Variants in IGF1R observed in about 807,000 individuals in gnomAD.
The protein encoded by IGF1R is insulin like growth factor 1 receptor.
Under a neutral mutation model 144.6 loss-of-function variants are expected in IGF1R, and 44 were observed. That is an observed-to-expected ratio of 0.30 (90% CI 0.24 to 0.39). IGF1R has a LOEUF of 0.39. Among genes scored for constraint, IGF1R ranks in the 10% least tolerant of loss-of-function variants. IGF1R has a pLI of 1.00. For missense variants in IGF1R, 1,355 were observed against 1,833.7 expected, an observed-to-expected ratio of 0.74 and a Z score of 4.77; for synonymous variants, 795 against 722.8, an observed-to-expected ratio of 1.10 and a Z score of -1.60.
intron 2 of IGF1R, among the ~76,000 whole-genome samples, chr15:98,796,550 C>A (rs898191174): frequency 6.6e-6 from 1 of 152,156 alleles, no homozygotes; most frequent in Non-Finnish European, 1.5e-5. Context: ...ATACTTTTGT[C>A]GATCAAACAG....
chr15:98,891,737 C>A lies in IGF1R; in HGVS notation c.953+100C>A. On this transcript the variant is annotated intron_variant, in intron 3 of 20. Transcript: ENST00000650285. The surrounding 1 kb of genome is among the most constrained non-coding windows in gnomAD (Gnocchi z 4.7). ...GTCGGTTGTTTCATCCGGGTGCAGC[C>A]CTCAGGAAGTTCACTGAGGTGGGTC... is the stretch of plus-strand genomic sequence containing the variant. The A allele has an allele frequency of 8.2e-7, 1 of 1,214,372 alleles. No individual in the cohort carries two copies. Among genetic ancestry groups the A allele is most frequent in the Non-Finnish European group, 1.2e-6 (1 of 853,594 alleles). The allele number at this position is 1,214,372 out of a possible 1,614,324, so 75.2% of individuals were successfully genotyped here.
chr15:98,850,510 C>T (rs1567160662), intron 2 of IGF1R, among the ~76,000 whole-genome samples: 1 of 152,184 alleles, frequency 6.6e-6, no homozygotes, highest in Non-Finnish European at 1.5e-5. Context: ...GTAGCCATGT[C>T]CTCGGAAGAT....
At chr15:98,954,468 G>A (rs922024384) in intron 20 of IGF1R, 2 of 152,150 alleles carry the variant, frequency 1.3e-5, no homozygotes, top group Non-Finnish European at 1.5e-5. Flanking sequence ...AGAGTCTAAT[G>A]GAGATTTTTT....
At chr15:98,686,670 A>ATTTTTTTTTTT (rs201014820) in intron 1 of IGF1R, among the ~76,000 whole-genome samples, 1 of 145,698 alleles carries the variant, frequency 6.9e-6, no homozygotes, top group Admixed American at 6.9e-5. Flanking sequence ...GAAGTATTTA[A>ATTTTTTTTTTT]TTTTTTTTTT....
chr15:98,705,424 G>T (rs1362978308), intron 1 of IGF1R, among the ~76,000 whole-genome samples: 1 of 152,180 alleles, frequency 6.6e-6, no homozygotes, highest in Non-Finnish European at 1.5e-5. Flanking sequence ...TGTAGGGGCT[G>T]AAATCTAATG....
chr15:98,713,129 C>T (rs780942430), intron 2 of IGF1R, among the ~76,000 whole-genome samples: 17 of 151,878 alleles, frequency 1.1e-4, no homozygotes, highest in African/African-American at 3.9e-4. Context: ...CTCACCTGGC[C>T]GAACTCTAGC....
chr15:98,830,862 C>T (rs1285266509), intron 2 of IGF1R, among the ~76,000 whole-genome samples: 1 of 152,178 alleles, frequency 6.6e-6, no homozygotes, highest in Non-Finnish European at 1.5e-5. Context: ...CCCTGGCTTC[C>T]CAAAGTGCTG....
intron 5 of IGF1R, among the ~76,000 whole-genome samples, chr15:98,900,047 T>C (rs146622562): frequency 3.9e-4 from 60 of 152,320 alleles, no homozygotes; most frequent in Non-Finnish European, 7.8e-4. Context: ...TTTTAAGATA[T>C]TGGAAGTGAG....
intron 20 of IGF1R, among the ~76,000 whole-genome samples, chr15:98,952,462 T>C (rs555952301): frequency 1.4e-4 from 22 of 152,314 alleles, no homozygotes; most frequent in Admixed American, 7.2e-4. Context: ...TGATGACCAC[T>C]GAATCTGCAT....
chr15:98,800,827 A>C (rs1038630762), intron 2 of IGF1R, among the ~76,000 whole-genome samples: 1 of 152,210 alleles, frequency 6.6e-6, no homozygotes, highest in African/African-American at 2.4e-5. Context: ...AATGAGGCCC[A>C]GAAGGGGGAG....
At chr15:98,834,366 G>A (rs1417260242) in intron 2 of IGF1R, among the ~76,000 whole-genome samples, 1 of 152,202 alleles carries the variant, frequency 6.6e-6, no homozygotes, top group Non-Finnish European at 1.5e-5. Context: ...ATGCTCTTGA[G>A]AAAATGGAGG....
chr15:98,827,134 C>T (rs1390169217), intron 2 of IGF1R, among the ~76,000 whole-genome samples: 3 of 64,082 alleles, frequency 4.7e-5, no homozygotes, highest in Non-Finnish European at 1.6e-4. Flanking sequence ...CCTTCCCCTG[C>T]CCCCCAACTC....
At chr15:98,843,831 T>C (rs2011222470) in intron 2 of IGF1R, among the ~76,000 whole-genome samples, 1 of 152,220 alleles carries the variant, frequency 6.6e-6, no homozygotes, top group Admixed American at 6.5e-5. Context: ...GCTGCATCTA[T>C]ATATGCAGTT....
intron 3 of IGF1R, among the ~76,000 whole-genome samples, chr15:98,894,940 G>C (rs1003911810): frequency 1.3e-5 from 2 of 151,532 alleles, no homozygotes; most frequent in Non-Finnish European, 2.9e-5. Flanking sequence ...AGAATCACTT[G>C]AACCCAGGAG....
Position 98,957,152 on chromosome 15 carries a change from C to G in IGF1R, c.3814C>G (p.Pro1272Ala). 6.2e-7 allele frequency: 1 copy of G among 1,614,240 alleles called. No homozygotes were observed. Among genetic ancestry groups the G allele is most frequent in the East Asian group, 2.2e-5 (1 of 44,886 alleles). ...IISSIKEEME[P>A]GFREVSFYYS... The stretch of plus-strand genomic sequence containing the variant: ...CAGCAGCATCAAAGAGGAGATGGAG[C>G]CTGGCTTCCGGGAGGTCTCCTTCTA... Residue 1272 changes from proline to alanine, a missense_variant, in exon 21 of 21, where the codon CCT (proline) becomes GCT (alanine). Transcript: ENST00000650285.
intron 2 of IGF1R, among the ~76,000 whole-genome samples, chr15:98,790,441 A>T (rs1260364250): frequency 6.6e-6 from 1 of 152,142 alleles, no homozygotes; most frequent in Non-Finnish European, 1.5e-5. Context: ...ATGTCTGGGG[A>T]AGCTTATCTC....
chr15:98,950,615 C>T (rs976110504), intron 20 of IGF1R, among the ~76,000 whole-genome samples: 7 of 152,228 alleles, frequency 4.6e-5, no homozygotes. Flanking sequence ...CCTATTTCTT[C>T]AAGACTGATA....
At chr15:98,938,340 A>G (rs2016236513) in intron 17 of IGF1R, among the ~76,000 whole-genome samples, 1 of 152,252 alleles carries the variant, frequency 6.6e-6, no homozygotes, top group Non-Finnish European at 1.5e-5. Context: ...CAAGGTGTAG[A>G]GTCTGTTGCA....
chr15:98,948,937 C>T (rs1365730664), intron 20 of IGF1R, among the ~76,000 whole-genome samples: 3 of 152,170 alleles, frequency 2.0e-5, no homozygotes, highest in Non-Finnish European at 4.4e-5. Flanking sequence ...GCTTTCGTTC[C>T]GATTTGCAGT....
Sources: gnomAD v4.1 joint callset for allele counts (sites outside exome capture counted in the v4.1 genomes callset) on GRCh38, gnomAD v4.1.1 for gene constraint, Gnocchi (gnomAD v3.1) non-coding constraint, MANE v1.5 for transcripts, NCBI Gene and HGNC (gene_info 2026-07-23, HGNC 2026-07-21) for gene names.